The following DMD variants were observed in gnomAD, a reference collection of about 807,000 sequenced individuals.
DMD encodes the protein mutant dystrophin.
A neutral mutation model predicts 330.1 loss-of-function variants in DMD; 63 were observed. That is an observed-to-expected ratio of 0.19 (90% CI 0.16 to 0.24). The LOEUF (loss-of-function observed/expected upper bound fraction) is 0.24, where lower values mean the gene tolerates loss of function less well. DMD is among the 10% of genes least tolerant of loss of function. The pLI is 1.00. For missense variants in DMD, 3,344 were observed against 2,684.1 expected, an observed-to-expected ratio of 1.25 and a Z score of -5.43; for synonymous variants, 1,223 against 959.8, an observed-to-expected ratio of 1.27 and a Z score of -5.07.
intron 1 of DMD, among the ~76,000 whole-genome samples, chrX:33,032,264 G>A (rs1328653613): frequency 8.9e-6 from 1 of 112,008 alleles, no homozygotes; most frequent in African/African-American, 3.2e-5. Context: ...CACGCCTCAG[G>A]TAGCCTCTGT....
intron 44 of DMD, among the ~76,000 whole-genome samples, chrX:32,163,075 T>C (rs1011723552): frequency 9.0e-6 from 1 of 111,630 alleles, no homozygotes; most frequent in African/African-American, 3.3e-5. Flanking sequence ...AACAAAATTA[T>C]TGCTTCCACC....
At chrX:31,759,158 C>A (rs1490845886) in intron 51 of DMD, among the ~76,000 whole-genome samples, 1 of 110,492 alleles carries the variant, frequency 9.1e-6, no homozygotes. Context: ...TTCACATAGT[C>A]TTAAAGCTTC....
intron 48 of DMD, among the ~76,000 whole-genome samples, chrX:31,867,010 A>T (rs916505809): frequency 9.1e-6 from 1 of 110,423 alleles, no homozygotes; most frequent in East Asian, 2.8e-4. Flanking sequence ...TCTTTTTGTT[A>T]AAAAATGATA....
intron 50 of DMD, among the ~76,000 whole-genome samples, chrX:31,801,264 G>A (rs1285986054): frequency 9.0e-6 from 1 of 111,394 alleles, no homozygotes; most frequent in Non-Finnish European, 1.9e-5. Flanking sequence ...TGCCAGCAAG[G>A]GAAATGCCAG....
At chrX:32,480,376 G>A (rs1034685016) in intron 21 of DMD, among the ~76,000 whole-genome samples, 6 of 61,443 alleles carry the variant, frequency 9.8e-5, no homozygotes, top group Non-Finnish European at 1.6e-4. Flanking sequence ...TTTTATAAAT[G>A]TGTGTGTGTG....
chrX:33,095,723 G>A (rs2095148743), intron 1 of DMD, among the ~76,000 whole-genome samples: 1 of 110,798 alleles, frequency 9.0e-6, no homozygotes, highest in African/African-American at 3.3e-5. Flanking sequence ...ATATTCAAAG[G>A]AGCATGCTTG....
intron 9 of DMD, among the ~76,000 whole-genome samples, chrX:32,690,283 A>G (rs1383080190): frequency 9.0e-6 from 1 of 111,218 alleles, no homozygotes; most frequent in East Asian, 2.8e-4. Flanking sequence ...CCAAAAAGAA[A>G]ACAGTAATAA....
At chrX:32,704,293 G>A (rs868477742) in intron 7 of DMD, among the ~76,000 whole-genome samples, 2 of 89,520 alleles carry the variant, frequency 2.2e-5, no homozygotes, top group South Asian at 3.8e-4. Flanking sequence ...ACCAAGTATC[G>A]CACAAAGTTT....
intron 7 of DMD, among the ~76,000 whole-genome samples, chrX:32,719,049 A>AT (rs2066002810): frequency 8.9e-6 from 1 of 111,763 alleles, no homozygotes; most frequent in South Asian, 3.7e-4. Context: ...ATAGTTACTC[A>AT]ACTAGAGAAG....
intron 1 of DMD, among the ~76,000 whole-genome samples, chrX:33,133,129 A>G (rs1410279831): frequency 9.0e-6 from 1 of 111,320 alleles, no homozygotes; most frequent in Non-Finnish European, 1.9e-5. Flanking sequence ...AGTGGTTAAA[A>G]AAAAAGCAAG....
At chrX:32,550,279 C>A (rs1402300718) in intron 16 of DMD, among the ~76,000 whole-genome samples, 2 of 111,595 alleles carry the variant, frequency 1.8e-5, no homozygotes, top group Non-Finnish European at 3.8e-5. Context: ...CAAAATTATA[C>A]CAACAACACT....
intron 52 of DMD, among the ~76,000 whole-genome samples, chrX:31,685,835 ACCC>A (rs1454015137): frequency 1.8e-5 from 2 of 111,820 alleles, no homozygotes; most frequent in African/African-American, 6.5e-5. Flanking sequence ...CCTTGCCTTT[ACCC>A]CCTTGTGGTT....
At chrX:32,982,857 A>T (rs965636119) in intron 2 of DMD, among the ~76,000 whole-genome samples, 1 of 112,178 alleles carries the variant, frequency 8.9e-6, no homozygotes, top group Admixed American at 9.5e-5. Flanking sequence ...AATTGCCAAC[A>T]GTAAGGGGAA....
intron 47 of DMD, among the ~76,000 whole-genome samples, chrX:31,882,585 A>T (rs1470501346): frequency 8.9e-6 from 1 of 112,311 alleles, no homozygotes; most frequent in African/African-American, 3.2e-5. Context: ...GAAAAAAATA[A>T]AGCAAAGTTT....
intron 30 of DMD, among the ~76,000 whole-genome samples, chrX:32,409,397 G>A (rs1242196661): frequency 9.0e-6 from 1 of 111,484 alleles, no homozygotes; most frequent in Non-Finnish European, 1.9e-5. Flanking sequence ...TTCTACTGAT[G>A]TAGTTAATAA....
chrX:32,801,742 CCAT>C (rs2076583631), intron 7 of DMD, among the ~76,000 whole-genome samples: 3 of 111,522 alleles, frequency 2.7e-5, no homozygotes. Context: ...GCCAGTTTTC[CCAT>C]CATCATTTAT....
At chrX:31,146,182 TC>T (rs770447872) in intron 76 of DMD, 108 bp downstream of exon 76, 8 of 957,029 alleles carry the variant, frequency 8.4e-6, no homozygotes, top group Non-Finnish European at 9.0e-6. Flanking sequence ...TTTCAGTGGC[TC>T]CCTGATACCA....
intron 33 of DMD, among the ~76,000 whole-genome samples, chrX:32,383,701 G>C (rs984592417): frequency 9.0e-6 from 1 of 110,523 alleles, no homozygotes; most frequent in African/African-American, 3.3e-5. Context: ...ATATTACTAT[G>C]TGGCAAATGG....
At chrX:32,726,086 T>G (rs753845366) in intron 7 of DMD, among the ~76,000 whole-genome samples, 1 of 111,407 alleles carries the variant, frequency 9.0e-6, no homozygotes, top group Admixed American at 9.6e-5. Flanking sequence ...TTATCCAATA[T>G]ATATGTTACA....
Sources: gnomAD v4.1 joint callset for allele counts (sites outside exome capture counted in the v4.1 genomes callset) on GRCh38, gnomAD v4.1.1 for gene constraint, MANE v1.5 for transcripts, NCBI Gene and HGNC (gene_info 2026-07-23, HGNC 2026-07-21) for gene names.